Variants in SORCS1 observed in about 807,000 individuals in gnomAD.
SORCS1 encodes the protein VPS10 domain-containing receptor SorCS1.
In SORCS1, 60 loss-of-function variants were observed where a neutral mutation model predicts 146.1. The observed-to-expected ratio is 0.41, with a 90% CI of 0.33 to 0.51. SORCS1 has a LOEUF of 0.51. SORCS1 is among the 20% of genes least tolerant of loss of function. The pLI, the probability that SORCS1 is intolerant of heterozygous loss-of-function variation, is 0.21. For synonymous variants in SORCS1, 637 were observed against 584.0 expected (o/e 1.09, Z -1.31); for missense variants, 1,352 against 1,487.6 (o/e 0.91, Z 1.50).
Position 106,635,617 on chromosome 10 carries a change from G to A in SORCS1, c.2476-6229C>T, listed in dbSNP as rs146968028. On this transcript the variant is annotated intron_variant, in intron 18 of 25. Coordinates refer to ENST00000263054, the MANE Select transcript of SORCS1 (RefSeq NM_052918.5). ...AAATATTTCTCCAAATTTAAAAGGG[G>A]GTAGAGTACTGAATAACACAAGAAA... Among the ~76,000 whole-genome samples, 366 of 151,910 alleles carry A rather than the reference G, an allele frequency of 2.4e-3. 3 individuals carry two copies. Among genetic ancestry groups the A allele is most frequent in the African/African-American group, 8.3e-3 (346 of 41,442 alleles).
intron 1 of SORCS1, among the ~76,000 whole-genome samples, chr10:107,144,750 C>T (rs537671028): frequency 7.2e-5 from 11 of 152,342 alleles, no homozygotes; most frequent in Admixed American, 7.2e-4. Context: ...TCCTCTCCCC[C>T]TTCGGCACAG....
At chr10:106,785,189 C>T (rs1564654716) in intron 3 of SORCS1, among the ~76,000 whole-genome samples, 1 of 152,168 alleles carries the variant, frequency 6.6e-6, no homozygotes, top group African/African-American at 2.4e-5. Context: ...TCTAAAATAA[C>T]TCAATTGTCA....
intron 18 of SORCS1, among the ~76,000 whole-genome samples, chr10:106,643,861 T>C (rs1027905220): frequency 2.0e-5 from 3 of 152,210 alleles, no homozygotes; most frequent in Admixed American, 6.5e-5. Flanking sequence ...AGGTTGGAGC[T>C]AATCAGAAGT....
At chr10:106,943,011 T>A (rs987748784) in intron 2 of SORCS1, among the ~76,000 whole-genome samples, 1 of 152,158 alleles carries the variant, frequency 6.6e-6, no homozygotes, top group Non-Finnish European at 1.5e-5. Context: ...GCTGTCTTCA[T>A]ATCCTGTCCC....
At chr10:107,123,756 T>C (rs1424794281) in intron 1 of SORCS1, among the ~76,000 whole-genome samples, 1 of 152,100 alleles carries the variant, frequency 6.6e-6, no homozygotes, top group Non-Finnish European at 1.5e-5. Context: ...TATTACCTAC[T>C]GGAAGCTTCA....
intron 1 of SORCS1, among the ~76,000 whole-genome samples, chr10:107,105,157 G>T (rs1965220072): frequency 6.6e-6 from 1 of 152,122 alleles, no homozygotes; most frequent in African/African-American, 2.4e-5. Context: ...AACATATCTA[G>T]CCTAAATGAA....
chr10:107,061,192 G>T lies in SORCS1; in HGVS notation c.558+102777C>A, dbSNP rs150177433. On this transcript the variant is annotated intron_variant, in intron 1 of 25. Coordinates refer to ENST00000263054, the MANE Select transcript of SORCS1 (RefSeq NM_052918.5). ...TACCATTTCTTATCATCTGTATCAG[G>T]GAAGAACATATACAAACAAAAGATA... Among the ~76,000 whole-genome samples, 559 of 152,010 alleles carry T rather than the reference G, an allele frequency of 3.7e-3. 4 individuals carry two copies. Among genetic ancestry groups the T allele is most frequent in the African/African-American group, 0.012 (514 of 41,482 alleles).
At chr10:106,716,321 G>A (rs894774253) in intron 6 of SORCS1, among the ~76,000 whole-genome samples, 1 of 152,124 alleles carries the variant, frequency 6.6e-6, no homozygotes, top group Non-Finnish European at 1.5e-5. Flanking sequence ...TCCATCTCCA[G>A]CATGGCGTGT....
chr10:107,101,060 A>AT (rs1233987083), intron 1 of SORCS1, among the ~76,000 whole-genome samples: 4 of 151,414 alleles, frequency 2.6e-5, no homozygotes, highest in Admixed American at 6.6e-5. Context: ...ACACTTAGCT[A>AT]TTTTTTTTCT....
At chr10:107,144,869 C>A (rs1010330824) in intron 1 of SORCS1, among the ~76,000 whole-genome samples, 1 of 152,184 alleles carries the variant, frequency 6.6e-6, no homozygotes, top group African/African-American at 2.4e-5. Flanking sequence ...GCATTTTTTA[C>A]AGGATTATAA....
chr10:106,609,284 C>T (rs556425940), intron 22 of SORCS1, among the ~76,000 whole-genome samples: 11 of 152,218 alleles, frequency 7.2e-5, no homozygotes, highest in African/African-American at 2.4e-4. Context: ...AGAGATTGTG[C>T]CTGAATAATC....
chr10:106,852,155 A>G (rs1949611061), intron 2 of SORCS1, among the ~76,000 whole-genome samples: 1 of 152,052 alleles, frequency 6.6e-6, no homozygotes, highest in Non-Finnish European at 1.5e-5. Flanking sequence ...TTCCTTTTCA[A>G]TCTGTATAAC....
At chr10:106,952,720 A>T (rs1954750455) in intron 2 of SORCS1, among the ~76,000 whole-genome samples, 1 of 151,626 alleles carries the variant, frequency 6.6e-6, no homozygotes, top group African/African-American at 2.4e-5. Context: ...TCATGCTTGT[A>T]ATCCTGAGAG....
chr10:106,822,210 G>A (rs1948071530), intron 3 of SORCS1, among the ~76,000 whole-genome samples: 1 of 152,150 alleles, frequency 6.6e-6, no homozygotes, highest in Admixed American at 6.5e-5. Context: ...ATTTAAGAGT[G>A]TAGTTTTATT....
the SORCS1 span, among the ~76,000 whole-genome samples, chr10:107,173,372 T>A: frequency 1.8e-4 from 27 of 152,242 alleles, no homozygotes; most frequent in African/African-American, 6.5e-4. Context: ...GAGTAGATTT[T>A]AAGTGCTCTT....
At chr10:107,141,854 TCCCTTCACTTCACTGAATA>T (rs777586474) in intron 1 of SORCS1, among the ~76,000 whole-genome samples, 28 of 152,178 alleles carry the variant, frequency 1.8e-4, no homozygotes, top group Non-Finnish European at 2.6e-4. Context: ...TGTGGCACCA[TCCCTTCACTTCACTGAATA>T]TTGCACAATC....
chr10:106,646,923 T>C (rs1322017), intron 18 of SORCS1, among the ~76,000 whole-genome samples: 23,020 of 149,512 alleles, frequency 0.15, 2,441 homozygotes, highest in East Asian at 0.31. Flanking sequence ...AATATATGCA[T>C]GTATATATGT....
At position 107,150,486 on chromosome 10, in the gene SORCS1, T is replaced by C. The variant is rs189618853; in HGVS notation, c.558+13483A>G. Among the ~76,000 whole-genome samples, 80 of 152,326 alleles carry C rather than the reference T, an allele frequency of 5.3e-4. 1 individual carries two copies. Among genetic ancestry groups the C allele is most frequent in the South Asian group, 1.2e-3 (6 of 4,826 alleles). On this transcript the variant is annotated intron_variant, in intron 1 of 25. Coordinates refer to ENST00000263054, the MANE Select transcript of SORCS1 (RefSeq NM_052918.5). ...TACCTGTGCTAACCATCTGACATGG[T>C]TGGGTGCAAAATCACTCAAAGCAAA... is the stretch of plus-strand genomic sequence containing the variant.
intron 16 of SORCS1, 99 bp from the exon 17 acceptor site, chr10:106,667,901 G>A: frequency 1.6e-6 from 1 of 626,332 alleles, no homozygotes; most frequent in Non-Finnish European, 2.7e-6. Context: ...TAATCAATTA[G>A]TCATAACAAA....
Sources: allele counts gnomAD v4.1 joint callset (sites outside exome capture counted in the v4.1 genomes callset), GRCh38; gene constraint gnomAD v4.1.1; transcripts MANE v1.5; gene names NCBI Gene and HGNC (gene_info 2026-07-23, HGNC 2026-07-21).